STK31: variants seen among roughly 807,000 people sequenced by gnomAD.
STK31 encodes serine/threonine kinase 31, also known as serine/threonine-protein kinase 31.
STK31 carries 89 observed loss-of-function variants against 129.7 expected under a neutral mutation model. That is an observed-to-expected ratio of 0.69 (90% CI 0.58 to 0.82). The LOEUF is 0.82. Among genes scored for constraint, STK31 ranks in the 40% least tolerant of loss-of-function variants. The pLI, the probability that STK31 is intolerant of heterozygous loss-of-function variation, is 0.00. For missense variants in STK31, 1,187 were observed against 1,176.4 expected (o/e 1.01, Z -0.13); for synonymous variants, 448 against 395.3 (o/e 1.13, Z -1.58).
intron 6 of STK31, among the ~76,000 whole-genome samples, chr7:23,730,878 A>ATATATATATATATATATTTTTTTTTTT: frequency 1.7e-5 from 1 of 59,542 alleles, no homozygotes; most frequent in South Asian, 8.2e-4. Context: ...ATATATATAT[A>ATATATATATATATATATTTTTTTTTTT]TTTTTTTTTT....
rs186198033 is a variant in STK31, at chr7:23,787,517, C to T, written c.2488-463C>T. Among the ~76,000 whole-genome samples, 206 of 152,120 alleles carry T rather than the reference C, an allele frequency of 1.4e-3. 1 individual carries two copies. The highest frequency in any genetic ancestry group is 4.8e-3 in the African/African-American group (198 of 41,484). ...AGTGGCAGGTGAGCAAGCATTACTGCCTGAGCTCCACTTCCTGTAAGATCA... is the reference window on the plus strand; with the variant it reads ...AGTGGCAGGTGAGCAAGCATTACTGTCTGAGCTCCACTTCCTGTAAGATCA... On this transcript the variant is annotated intron_variant, in intron 20 of 23. Transcript: ENST00000355870.
At chr7:23,765,351 C>T (rs918344553) in intron 11 of STK31, among the ~76,000 whole-genome samples, 11 of 152,122 alleles carry the variant, frequency 7.2e-5, no homozygotes, top group African/African-American at 2.7e-4. Flanking sequence ...CCGCACCTGG[C>T]TTCTCCCTTT....
chr7:23,720,763 G>A (rs1233903337), intron 4 of STK31, among the ~76,000 whole-genome samples: 2 of 152,056 alleles, frequency 1.3e-5, no homozygotes, highest in Admixed American at 6.6e-5. Context: ...AAATTTGTGG[G>A]ATTTTTTAAA....
At chr7:23,772,344 A>G in intron 15 of STK31, 66 bp downstream of exon 15, 1 of 1,492,602 alleles carries the variant, frequency 6.7e-7, no homozygotes, top group South Asian at 1.3e-5. Flanking sequence ...TCTGCTTCAT[A>G]AAAATAATGC....
intron 17 of STK31, among the ~76,000 whole-genome samples, chr7:23,784,241 A>G (rs12700466): frequency 0.98 from 149,136 of 152,202 alleles, 73,160 homozygotes; most frequent in South Asian, 1. Flanking sequence ...TGCCTTCTAC[A>G]GTGAGGGCCT....
At chr7:23,793,477 T>C (rs73082969) in intron 22 of STK31, among the ~76,000 whole-genome samples, 13,508 of 152,146 alleles carry the variant, frequency 0.089, 740 homozygotes, top group Middle Eastern at 0.16. Flanking sequence ...GAGAAAATAT[T>C]TGCAAAACAT....
chr7:23,765,968 A>G (rs1311546114), intron 11 of STK31, among the ~76,000 whole-genome samples: 2 of 152,198 alleles, frequency 1.3e-5, no homozygotes, highest in African/African-American at 4.8e-5. Flanking sequence ...GTCACGGGTT[A>G]TTATAGATAT....
chr7:23,818,880 C>T (rs567750424), intron 23 of STK31, among the ~76,000 whole-genome samples: 1 of 152,202 alleles, frequency 6.6e-6, no homozygotes, highest in Non-Finnish European at 1.5e-5. Flanking sequence ...CTGCCTCAGC[C>T]TCCCAAAGTT....
Position 23,832,248 on chromosome 7 carries a change from C to G in STK31, c.2942C>G (p.Pro981Arg). 6.2e-7 allele frequency: 1 copy of G among 1,613,950 alleles called. No individual in the cohort carries two copies. Among genetic ancestry groups the G allele is most frequent in the South Asian group, 1.1e-5 (1 of 91,076 alleles). ...TTGATGCCAAAGGAGCAATCAGTTC[C>G]AAACCCAGAAAAAGATACTGAATAC... ...CFLMPKEQSV[P>R]NPEKDTEYTL... The change falls in exon 24 of 24, where the codon CCA becomes CGA. Residue 981 changes from proline (P) to arginine (R), a missense_variant. Coordinates refer to ENST00000355870, the MANE Select transcript of STK31 (RefSeq NM_031414.5).
chr7:23,830,245 A>T (rs1448398085), intron 23 of STK31, among the ~76,000 whole-genome samples: 9 of 151,886 alleles, frequency 5.9e-5, no homozygotes, highest in East Asian at 1.9e-4. Context: ...CTTTTAAAAA[A>T]ATTTTTTTTG....
intron 15 of STK31, among the ~76,000 whole-genome samples, chr7:23,780,025 T>C (rs757172257): frequency 6.6e-6 from 1 of 152,194 alleles, no homozygotes; most frequent in African/African-American, 2.4e-5. Context: ...AAAAGCATAG[T>C]ATCTGGGCCA....
chr7:23,731,423 G>A (rs1175797919), intron 6 of STK31, among the ~76,000 whole-genome samples: 2 of 152,166 alleles, frequency 1.3e-5, no homozygotes, highest in Admixed American at 6.5e-5. Context: ...AGCCTATAAA[G>A]TTGTAATTTT....
In STK31 at chr7:23,808,098, A is replaced by G. The variant is rs144908252; in HGVS notation, c.2761-7046A>G. ...GGTTCTTGATATAAAGTGATTTTTT[A>G]TTGTACCCTAAACATTTGGGTTATT... On this transcript the variant is annotated intron_variant, in intron 22 of 23. Transcript: ENST00000355870. Among the ~76,000 whole-genome samples the G allele has an allele frequency of 1.4e-4, 21 of 150,464 alleles. No individual in the cohort carries two copies. The East Asian group carries it at 3.9e-3, about 28-fold the overall frequency.
At chr7:23,742,923 T>G (rs773296254) in intron 8 of STK31, among the ~76,000 whole-genome samples, 8 of 151,554 alleles carry the variant, frequency 5.3e-5, no homozygotes, top group Non-Finnish European at 1.2e-4. Context: ...GTTTTACTTG[T>G]GTGTTTGCTT....
chr7:23,805,935 T>C (rs10279416), intron 22 of STK31, among the ~76,000 whole-genome samples: 41,135 of 152,198 alleles, frequency 0.27, 6,400 homozygotes, highest in African/African-American at 0.43. Context: ...TGAGGGAGTA[T>C]GTTATTATCC....
intron 8 of STK31, among the ~76,000 whole-genome samples, chr7:23,746,482 T>G (rs1056682204): frequency 6.6e-6 from 1 of 152,220 alleles, no homozygotes; most frequent in Non-Finnish European, 1.5e-5. Flanking sequence ...AGTGTGATTA[T>G]CTACTTGCTA....
chr7:23,740,975 C>T (rs916367914), intron 8 of STK31, among the ~76,000 whole-genome samples: 5 of 152,106 alleles, frequency 3.3e-5, no homozygotes, highest in South Asian at 2.1e-4. Flanking sequence ...TAAGTTTATT[C>T]CCTAGGATTG....
intron 8 of STK31, among the ~76,000 whole-genome samples, chr7:23,744,173 G>C (rs933733987): frequency 1.3e-5 from 2 of 151,766 alleles, no homozygotes; most frequent in Non-Finnish European, 2.9e-5. Context: ...TCCTGCCTCA[G>C]CCTCCCAAAG....
chr7:23,787,652 G>T (rs1791365635), intron 20 of STK31, among the ~76,000 whole-genome samples: 1 of 151,866 alleles, frequency 6.6e-6, no homozygotes, highest in Non-Finnish European at 1.5e-5. Flanking sequence ...ATCTGAGGTG[G>T]AACAGTTTGA....
Sources: allele counts gnomAD v4.1 joint callset (sites outside exome capture counted in the v4.1 genomes callset), GRCh38; gene constraint gnomAD v4.1.1; transcripts MANE v1.5; gene names NCBI Gene and HGNC (gene_info 2026-07-23, HGNC 2026-07-21).